MKRN2: variants seen among roughly 807,000 people sequenced by gnomAD.
MKRN2 encodes the protein E3 ubiquitin-protein ligase makorin-2.
Under a neutral mutation model 45.4 loss-of-function variants are expected in MKRN2, and 32 were observed. The observed-to-expected ratio is 0.70, with a 90% confidence interval of 0.53 to 0.95. The LOEUF (loss-of-function observed/expected upper bound fraction) is 0.95, where lower values mean the gene tolerates loss of function less well. Among genes scored for constraint, MKRN2 ranks in the 40% least tolerant of loss-of-function variants. The pLI is 0.00. For synonymous variants in MKRN2, 206 were observed against 192.4 expected (o/e 1.07, Z -0.59); for missense variants, 526 against 536.7 (o/e 0.98, Z 0.20).
At chr3:12,578,590 T>C (rs2058158046) in intron 6 of MKRN2, among the ~76,000 whole-genome samples, 1 of 152,146 alleles carries the variant, frequency 6.6e-6, no homozygotes, top group Admixed American at 6.6e-5. Flanking sequence ...ATGCTGGGAT[T>C]ACAGATGTGA....
chr3:12,576,441 G>A (rs1389262389), intron 5 of MKRN2, among the ~76,000 whole-genome samples, 190 bp from the exon 6 acceptor site: 1 of 152,040 alleles, frequency 6.6e-6, no homozygotes, highest in Non-Finnish European at 1.5e-5. Flanking sequence ...ATGTGTCCAT[G>A]TGTTCTCATT....
chr3:12,581,921 G>T lies in MKRN2; in HGVS notation c.1082G>T (p.Arg361Leu). The stretch of plus-strand genomic sequence containing the variant: ...CGGCTAGCAGAGCCTGAGAAACCTC[G>T]GAAACAGCTCAGTTCTCAAGGCACT... The part of the protein sequence containing the change: ...DGRLAEPEKP[R>L]KQLSSQGTVR... The change falls in exon 7 of 8, where the codon CGG becomes CTG. Residue 361 changes from arginine to leucine, a missense_variant. Arg to Leu is a moderately radical substitution (Grantham distance 102). Transcript: ENST00000170447. 1 of 1,614,132 alleles carries T rather than the reference G, an allele frequency of 6.2e-7. No homozygotes were observed. Among genetic ancestry groups the T allele is most frequent in the Non-Finnish European group, 8.5e-7 (1 of 1,180,042 alleles).
chr3:12,580,088 G>A (rs2058167336), intron 6 of MKRN2, among the ~76,000 whole-genome samples: 1 of 152,210 alleles, frequency 6.6e-6, no homozygotes, highest in South Asian at 2.1e-4. Context: ...TTTGTAAACA[G>A]AATGAACACA....
In MKRN2 at chr3:12,572,653, G is replaced by A. The variant is rs541500310; in HGVS notation, c.642+280G>A. Among the ~76,000 whole-genome samples the A allele has an allele frequency of 1.7e-4, 26 of 151,270 alleles. No individual in the cohort carries two copies. In the East Asian group the frequency reaches 5.1e-3, roughly 29 times the overall value. ...GGCTGGAGTACAGTGGTGCAATCTC[G>A]GCTCACTGCAACCTCTGCTTCCCTG... On this transcript the variant is annotated intron_variant, in intron 4 of 7. Transcript: ENST00000170447.
intron 1 of MKRN2, among the ~76,000 whole-genome samples, chr3:12,562,889 A>G (rs1393093711): frequency 6.6e-6 from 1 of 152,000 alleles, no homozygotes; most frequent in Non-Finnish European, 1.5e-5. Flanking sequence ...CTGATTCTAC[A>G]CTATGGTGAG....
chr3:12,568,874 G>C lies in MKRN2; in HGVS notation c.27-1G>C. ...TTGTATGCCTGTGCTTGTCTCTGCA[G>C]GTATTTTATGCATGGTGTGTGTCGG... On this transcript the variant is annotated splice_acceptor_variant, in intron 1 of 7. Coordinates refer to ENST00000170447, the MANE Select transcript of MKRN2 (RefSeq NM_014160.5). LOFTEE classifies it high-confidence loss of function. 1 of 1,611,912 alleles carries C rather than the reference G, an allele frequency of 6.2e-7. No homozygotes were observed. The highest frequency in any genetic ancestry group is 8.5e-7 in the Non-Finnish European group (1 of 1,179,342).
chr3:12,557,315 C>A, intron 1 of MKRN2, 139 bp downstream of exon 1: 1 of 1,197,202 alleles, frequency 8.4e-7, no homozygotes, highest in Non-Finnish European at 1.1e-6. Flanking sequence ...CGGGGCTTTG[C>A]GAGGCAGAGC....
chr3:12,580,273 G>A (rs891365978), intron 6 of MKRN2, among the ~76,000 whole-genome samples: 1 of 152,212 alleles, frequency 6.6e-6, no homozygotes, highest in Admixed American at 6.5e-5. Context: ...AGGATGCTCT[G>A]GAGTTGTCCA....
chr3:12,579,881 G>A (rs941042899), intron 6 of MKRN2, among the ~76,000 whole-genome samples: 7 of 152,034 alleles, frequency 4.6e-5, no homozygotes, highest in African/African-American at 1.7e-4. Flanking sequence ...AGGGCAGATT[G>A]CTTAAGTCCA....
In MKRN2 at chr3:12,557,130, CG is replaced by C. The variant is rs769842929; in HGVS notation, c.-19del. ...GCTGCGAGAGGCGGCGGCACGACGA[CG>C]GTCCCTCAGCCCAGCCACCATGAGC... On this transcript the variant is annotated 5_prime_UTR_variant, in exon 1 of 8. Coordinates refer to ENST00000170447, the MANE Select transcript of MKRN2 (RefSeq NM_014160.5). The C allele has an allele frequency of 9.2e-4, 1,377 of 1,499,902 alleles. 1 individual carries two copies. The highest frequency in any genetic ancestry group is 1.1e-3 in the South Asian group (87 of 79,746). The allele number at this position is 1,499,902 out of a possible 1,614,324, so 92.9% of individuals were successfully genotyped here.
At chr3:12,567,144 G>T (rs2058072951) in intron 1 of MKRN2, among the ~76,000 whole-genome samples, 1 of 150,000 alleles carries the variant, frequency 6.7e-6, no homozygotes, top group Admixed American at 6.6e-5. Flanking sequence ...TGAGCATTTG[G>T]ATTGTATTGT....
chr3:12,573,775 C>T (rs1271842843), intron 4 of MKRN2, among the ~76,000 whole-genome samples: 2 of 151,970 alleles, frequency 1.3e-5, no homozygotes, highest in Non-Finnish European at 2.9e-5. Flanking sequence ...CGCCTGTAGT[C>T]CCAGCTACTT....
At chr3:12,578,858 A>AT (rs374121518) in intron 6 of MKRN2, among the ~76,000 whole-genome samples, 26,129 of 124,358 alleles carry the variant, frequency 0.21, 3,014 homozygotes, top group African/African-American at 0.28. Flanking sequence ...CTAAAGCTTG[A>AT]TTTTTTTTTT....
chr3:12,583,693 A>G lies in MKRN2; in HGVS notation c.*1440A>G, dbSNP rs1243014515. 1 of 233,400 alleles carries G rather than the reference A, an allele frequency of 4.3e-6. No homozygotes were observed. The allele number at this position is 233,400 out of a possible 1,614,324, so 14.5% of individuals were successfully genotyped here. ...GTCAGGTGCAATAAAAACAAAATTA[A>G]AACCCAAATCATCAAGAAAACCTGT... On this transcript the variant is annotated 3_prime_UTR_variant, in exon 8 of 8. Coordinates refer to ENST00000170447, the MANE Select transcript of MKRN2 (RefSeq NM_014160.5).
rs771317855 is a variant in MKRN2, at chr3:12,576,709, C to T, written c.936C>T (p.Asn312=). The T allele has an allele frequency of 1.5e-5, 24 of 1,608,410 alleles. No individual in the cohort carries two copies. The highest frequency in any genetic ancestry group is 2.7e-5 in the African/African-American group (2 of 74,650). ...VYWVEDQNKK[N]ELIEAFKQGM... is the part of the protein sequence containing the mutation. Reference sequence around the variant, plus strand: ...GGGTGGAAGATCAGAATAAAAAGAACGAGTTGATTGAAGCTTTCAAACAGG... The same window carrying T: ...GGGTGGAAGATCAGAATAAAAAGAATGAGTTGATTGAAGCTTTCAAACAGG... The change falls in exon 6 of 8, where the codon AAC becomes AAT. Residue 312 remains asparagine, a synonymous_variant. Coordinates refer to ENST00000170447, the MANE Select transcript of MKRN2 (RefSeq NM_014160.5).
At chr3:12,564,282 C>A (rs2058057180) in intron 1 of MKRN2, among the ~76,000 whole-genome samples, 1 of 152,098 alleles carries the variant, frequency 6.6e-6, no homozygotes, top group African/African-American at 2.4e-5. Flanking sequence ...AGTGGAATTG[C>A]CGGATCATAT....
chr3:12,562,576 C>T (rs2058044879), intron 1 of MKRN2, among the ~76,000 whole-genome samples: 1 of 152,148 alleles, frequency 6.6e-6, no homozygotes, highest in Non-Finnish European at 1.5e-5. Context: ...GGTCCCCAAC[C>T]AGTCTATGGC....
chr3:12,559,628 C>T (rs2125298822), intron 1 of MKRN2, among the ~76,000 whole-genome samples: 1 of 152,112 alleles, frequency 6.6e-6, no homozygotes. Flanking sequence ...CAAAGACACT[C>T]CATGTTTTTA....
At chr3:12,565,521 T>TA (rs2058064092) in intron 1 of MKRN2, among the ~76,000 whole-genome samples, 1 of 141,020 alleles carries the variant, frequency 7.1e-6, no homozygotes, top group South Asian at 2.2e-4. Context: ...TTCCCCAACT[T>TA]ACCTTTTTTT....
Sources: gnomAD v4.1 joint callset for allele counts (sites outside exome capture counted in the v4.1 genomes callset) on GRCh38, gnomAD v4.1.1 for gene constraint, MANE v1.5 for transcripts, NCBI Gene and HGNC (gene_info 2026-07-23, HGNC 2026-07-21) for gene names.